Variants in CDH12 observed in about 807,000 individuals in gnomAD.
The protein encoded by CDH12 is cadherin 12, also known as cadherin-12.
A neutral mutation model predicts 74.1 loss-of-function variants in CDH12; 41 were observed. The ratio of observed to expected loss-of-function variants is 0.55; its 90% confidence interval spans 0.43 to 0.72. CDH12 has a LOEUF of 0.72. Among genes scored for constraint, CDH12 ranks in the 30% least tolerant of loss-of-function variants. The pLI, the probability that CDH12 is intolerant of heterozygous loss-of-function variation, is 0.00. For synonymous variants in CDH12, 399 were observed against 355.0 expected, an observed-to-expected ratio of 1.12 and a Z score of -1.39; for missense variants, 945 against 977.2, an observed-to-expected ratio of 0.97 and a Z score of 0.44.
intron 5 of CDH12, among the ~76,000 whole-genome samples, chr5:22,065,732 T>C (rs751224689): frequency 6.6e-6 from 1 of 152,162 alleles, no homozygotes; most frequent in African/African-American, 2.4e-5. Flanking sequence ...GAATTGTTGC[T>C]GCTGAATTGG....
intron 1 of CDH12, among the ~76,000 whole-genome samples, chr5:22,611,993 C>A (rs892508596): frequency 3.3e-5 from 5 of 152,094 alleles, no homozygotes; most frequent in African/African-American, 1.2e-4. Flanking sequence ...CTCTTCATGG[C>A]ATTGAATTCT....
At chr5:22,577,537 A>C (rs1256261892) in intron 1 of CDH12, among the ~76,000 whole-genome samples, 2 of 152,186 alleles carry the variant, frequency 1.3e-5, no homozygotes, top group African/African-American at 2.4e-5. Context: ...ATAAGCCTGA[A>C]GCTGTTCCAG....
intron 1 of CDH12, among the ~76,000 whole-genome samples, chr5:22,767,202 AT>A (rs1746560139): frequency 6.6e-6 from 1 of 152,000 alleles, no homozygotes; most frequent in African/African-American, 2.4e-5. Flanking sequence ...TATCTTTTGA[AT>A]ACTAAACAAT....
chr5:22,036,625 G>T (rs1739207220), intron 5 of CDH12, among the ~76,000 whole-genome samples: 1 of 152,088 alleles, frequency 6.6e-6, no homozygotes, highest in African/African-American at 2.4e-5. Flanking sequence ...ACTACATGCA[G>T]ATTTTTAGAG....
chr5:22,079,558 T>C (rs1325467281), intron 4 of CDH12, among the ~76,000 whole-genome samples: 1 of 152,164 alleles, frequency 6.6e-6, no homozygotes, highest in Non-Finnish European at 1.5e-5. Flanking sequence ...ATGTTTTAAG[T>C]CTTTATAAAT....
chr5:22,533,154 C>A (rs1022854888), intron 1 of CDH12, among the ~76,000 whole-genome samples: 4 of 151,906 alleles, frequency 2.6e-5, no homozygotes, highest in Admixed American at 6.6e-5. Flanking sequence ...TGGTTCTCAA[C>A]AGGGAGAGAT....
At chr5:22,485,955 A>C (rs1275416412) in intron 2 of CDH12, among the ~76,000 whole-genome samples, 1 of 152,236 alleles carries the variant, frequency 6.6e-6, no homozygotes, top group Non-Finnish European at 1.5e-5. Context: ...TTTCTGGTCC[A>C]ATAGTGGCAT....
chr5:22,045,258 TA>T (rs1441083214), intron 5 of CDH12, among the ~76,000 whole-genome samples: 2 of 152,192 alleles, frequency 1.3e-5, no homozygotes, highest in African/African-American at 4.8e-5. Context: ...TTACTCCAGT[TA>T]CAATGGCTAT....
chr5:22,135,049 G>C (rs1278700558), intron 4 of CDH12, among the ~76,000 whole-genome samples: 2 of 152,002 alleles, frequency 1.3e-5, no homozygotes, highest in East Asian at 3.9e-4. Context: ...GAGTGAACCA[G>C]TGTAAGAGCA....
intron 1 of CDH12, among the ~76,000 whole-genome samples, chr5:22,524,407 A>G (rs1431648103): frequency 2.0e-5 from 3 of 152,192 alleles, no homozygotes; most frequent in Non-Finnish European, 4.4e-5. Context: ...TTCCCTTTGG[A>G]AACACCAGTT....
At chr5:22,273,545 C>G (rs1408323199) in intron 3 of CDH12, among the ~76,000 whole-genome samples, 1 of 151,990 alleles carries the variant, frequency 6.6e-6, no homozygotes, top group African/African-American at 2.4e-5. Context: ...ACTTTTGCAC[C>G]AAGCTAATAA....
intron 4 of CDH12, among the ~76,000 whole-genome samples, chr5:22,184,521 A>G (rs1434054601): frequency 1.3e-5 from 2 of 152,224 alleles, no homozygotes; most frequent in Non-Finnish European, 2.9e-5. Flanking sequence ...GTTCATAACT[A>G]GTAATTGTGA....
intron 3 of CDH12, among the ~76,000 whole-genome samples, chr5:22,244,511 AAAAAAAAAAAAAAAAAAAAAAAGAAG>A (rs1481155340): frequency 3.7e-4 from 3 of 8,092 alleles, no homozygotes; most frequent in African/African-American, 6.0e-4. Flanking sequence ...AAAAAAAAAA[AAAAAAAAAAAAAAAAAAAAAAAGAAG>A]AAGAAGAAGA....
chr5:22,585,943 G>T (rs1404149083), intron 1 of CDH12, among the ~76,000 whole-genome samples: 1 of 151,974 alleles, frequency 6.6e-6, no homozygotes, highest in Admixed American at 6.6e-5. Context: ...GATTCCTCAG[G>T]GATCTAGAAC....
intron 13 of CDH12, among the ~76,000 whole-genome samples, chr5:21,759,537 T>C (rs1212862579): frequency 2.6e-5 from 4 of 152,246 alleles, no homozygotes; most frequent in African/African-American, 9.6e-5. Context: ...TGATTTTATT[T>C]AATAAAAAAT....
rs143545865 is a variant in CDH12, at chr5:22,242,953, A to T, written c.-332-30310T>A. Among the ~76,000 whole-genome samples, 348 of 149,928 alleles carry T rather than the reference A, an allele frequency of 2.3e-3. 2 individuals are homozygous for T. Among genetic ancestry groups the T allele is most frequent in the African/African-American group, 8.1e-3 (332 of 40,756 alleles). Reference sequence around the variant, plus strand: ...CAGGTATTGGTCTGATTTATTCCCCATCCCCGCTTTTTTTTAATGTTTAGT... The same window carrying T: ...CAGGTATTGGTCTGATTTATTCCCCTTCCCCGCTTTTTTTTAATGTTTAGT... On this transcript the variant is annotated intron_variant, in intron 3 of 14. Transcript: ENST00000382254.
At chr5:22,520,968 T>G (rs1737030101) in intron 1 of CDH12, among the ~76,000 whole-genome samples, 1 of 151,106 alleles carries the variant, frequency 6.6e-6, no homozygotes, top group South Asian at 2.1e-4. Flanking sequence ...GCAATCAAGC[T>G]TGCTCCCCTT....
At chr5:21,777,365 T>A (rs1745650136) in intron 11 of CDH12, among the ~76,000 whole-genome samples, 2 of 152,162 alleles carry the variant, frequency 1.3e-5, no homozygotes, top group Admixed American at 6.5e-5. Flanking sequence ...TCTATTGAAT[T>A]TTGATATGTA....
intron 3 of CDH12, among the ~76,000 whole-genome samples, chr5:22,350,138 AAAGAG>A (rs1227594353): frequency 2.0e-5 from 3 of 152,196 alleles, no homozygotes; most frequent in African/African-American, 7.2e-5. Flanking sequence ...GACTAAGAAA[AAAGAG>A]AAAAGACTAA....
Sources: allele counts gnomAD v4.1 joint callset (sites outside exome capture counted in the v4.1 genomes callset), GRCh38; gene constraint gnomAD v4.1.1; transcripts MANE v1.5; gene names NCBI Gene and HGNC (gene_info 2026-07-23, HGNC 2026-07-21).